Variants in EPN2 observed in about 807,000 individuals in gnomAD.
The protein encoded by EPN2 is epsin 2, also known as epsin-2.
Under a neutral mutation model 61.7 loss-of-function variants are expected in EPN2, and 34 were observed. The observed-to-expected ratio is 0.55, with a 90% CI of 0.42 to 0.73. EPN2 has a LOEUF of 0.73. Ranked by LOEUF, EPN2 falls within the 30% of genes least tolerant of loss-of-function variation. EPN2 has a pLI of 0.00. For synonymous variants in EPN2, 349 were observed against 353.6 expected (o/e 0.99, Z 0.15); for missense variants, 714 against 839.2 (o/e 0.85, Z 1.84).
chr17:19,334,273 AC>A lies in EPN2; in HGVS notation c.*22del. ...TCTCTAGTGCCTGGGCCTGGGACCCACCCAGAGCACCTGTGCTGGAGGATGC... is the reference window on the plus strand; with the variant it reads ...TCTCTAGTGCCTGGGCCTGGGACCCACCAGAGCACCTGTGCTGGAGGATGC... On this transcript the variant is annotated 3_prime_UTR_variant, in exon 11 of 11. Transcript: ENST00000314728. This position sits in a 1 kb window ranked among gnomAD's most constrained non-coding sequence, Gnocchi z 4.9. The A allele has an allele frequency of 2.1e-6, 3 of 1,421,816 alleles. No individual in the cohort carries two copies. The highest frequency in any genetic ancestry group is 2.8e-6 in the Non-Finnish European group (3 of 1,079,828). The allele number at this position is 1,421,816 out of a possible 1,614,324, so 88.1% of individuals were successfully genotyped here.
At chr17:19,307,706 T>A (rs1905918489) in intron 4 of EPN2, among the ~76,000 whole-genome samples, 1 of 152,198 alleles carries the variant, frequency 6.6e-6, no homozygotes, top group South Asian at 2.1e-4. Context: ...GACAGGGTGA[T>A]GCCTCTGCTT....
chr17:19,291,142 AG>A (rs2045460374), intron 4 of EPN2, among the ~76,000 whole-genome samples: 1 of 152,212 alleles, frequency 6.6e-6, no homozygotes, highest in Non-Finnish European at 1.5e-5. Flanking sequence ...AGGAAAACAG[AG>A]GTGAGAAAGA....
intron 1 of EPN2, among the ~76,000 whole-genome samples, chr17:19,261,455 A>G (rs1414840512): frequency 2.0e-5 from 3 of 151,964 alleles, no homozygotes; most frequent in African/African-American, 4.8e-5. Flanking sequence ...GGTGTTTTTT[A>G]TATTTTTGGA....
intron 4 of EPN2, among the ~76,000 whole-genome samples, chr17:19,305,055 C>T (rs1268583420): frequency 6.6e-6 from 1 of 152,116 alleles, no homozygotes; most frequent in Non-Finnish European, 1.5e-5. Context: ...CTGCCCACTG[C>T]ACAGAGCCAT....
intron 1 of EPN2, among the ~76,000 whole-genome samples, chr17:19,242,164 C>T (rs1307654773): frequency 3.4e-5 from 5 of 148,198 alleles, no homozygotes; most frequent in Admixed American, 3.4e-4. Flanking sequence ...AGGCCAGCCA[C>T]GGTGGCTCAT....
At chr17:19,299,325 C>T (rs1189732883) in intron 4 of EPN2, among the ~76,000 whole-genome samples, 1 of 152,150 alleles carries the variant, frequency 6.6e-6, no homozygotes, top group African/African-American at 2.4e-5. Flanking sequence ...TTGAAGTGCC[C>T]GCTCACCTCA....
chr17:19,323,637 G>A (rs1264930252), intron 7 of EPN2, among the ~76,000 whole-genome samples: 2 of 152,232 alleles, frequency 1.3e-5, no homozygotes, highest in African/African-American at 4.8e-5. Flanking sequence ...ATGTCTGAGT[G>A]GCATAGAGTC....
chr17:19,252,546 A>G (rs888694018), intron 1 of EPN2, among the ~76,000 whole-genome samples: 1 of 152,214 alleles, frequency 6.6e-6, no homozygotes, highest in Non-Finnish European at 1.5e-5. Flanking sequence ...AAATGCTTCA[A>G]TACATATCTC....
chr17:19,286,905 T>TA (rs1304466891), intron 4 of EPN2, among the ~76,000 whole-genome samples: 1 of 152,178 alleles, frequency 6.6e-6, no homozygotes, highest in East Asian at 1.9e-4. Context: ...GCATTGGAGT[T>TA]ACATGCCCAT....
At chr17:19,272,965 C>T (rs1268275409) in intron 1 of EPN2, among the ~76,000 whole-genome samples, 1 of 152,226 alleles carries the variant, frequency 6.6e-6, no homozygotes, top group Non-Finnish European at 1.5e-5. Flanking sequence ...ATTCTACACC[C>T]ACAGGCTGCT....
At chr17:19,320,496 G>C (rs1906590780) in intron 7 of EPN2, among the ~76,000 whole-genome samples, 1 of 152,192 alleles carries the variant, frequency 6.6e-6, no homozygotes, top group African/African-American at 2.4e-5. Flanking sequence ...CCAGAGCTCA[G>C]TGTTTCTTAT....
chr17:19,322,055 C>T (rs750848449), intron 7 of EPN2, among the ~76,000 whole-genome samples: 10 of 152,138 alleles, frequency 6.6e-5, no homozygotes, highest in Non-Finnish European at 1.3e-4. Flanking sequence ...TTCCCCATGT[C>T]GAGCAGAGGT....
intron 1 of EPN2, among the ~76,000 whole-genome samples, chr17:19,238,809 C>T (rs1597961899): frequency 6.6e-6 from 1 of 152,280 alleles, no homozygotes; most frequent in Middle Eastern, 3.4e-3. Context: ...TTCCTTTTCA[C>T]CTCCAGAAAA....
At position 19,300,427 on chromosome 17, in the gene EPN2, C is replaced by CTTATCTTT. The variant is rs1555601261; in HGVS notation, c.767-9456_767-9455insATCTTTTT. ...TACATAAAAACAATAAACTGTAAAT[C>CTTATCTTT]TTTTTTTTTTTTTTTTTTTGGAGAC... On this transcript the variant is annotated intron_variant, in intron 4 of 10. Coordinates refer to ENST00000314728, the MANE Select transcript of EPN2 (RefSeq NM_014964.5). Among the ~76,000 whole-genome samples, 5 of 108,932 alleles carry CTTATCTTT rather than the reference C, an allele frequency of 4.6e-5. No homozygotes were observed. In the East Asian group the frequency reaches 1.2e-3, roughly 27 times the overall value. The allele number at this position is 108,932 out of a possible 152,430, so 71.5% of individuals were successfully genotyped here.
intron 7 of EPN2, among the ~76,000 whole-genome samples, chr17:19,314,693 G>A (rs910198808): frequency 5.3e-5 from 8 of 152,208 alleles, no homozygotes; most frequent in Non-Finnish European, 1.0e-4. Flanking sequence ...AAAAGCCCCA[G>A]GCAAAATTGC....
chr17:19,322,659 G>A (rs1906692520), intron 7 of EPN2, among the ~76,000 whole-genome samples: 2 of 151,364 alleles, frequency 1.3e-5, no homozygotes, highest in South Asian at 4.2e-4. Context: ...AGGATCCCTT[G>A]AGCCTAGGAG....
intron 4 of EPN2, among the ~76,000 whole-genome samples, chr17:19,295,091 C>T (rs934988083): frequency 3.3e-5 from 5 of 152,108 alleles, no homozygotes; most frequent in Non-Finnish European, 5.9e-5. Flanking sequence ...GTCTTTTTCA[C>T]TACCTGAAAT....
intron 1 of EPN2, among the ~76,000 whole-genome samples, chr17:19,247,633 C>T (rs990711622): frequency 2.0e-5 from 3 of 152,202 alleles, no homozygotes; most frequent in Non-Finnish European, 4.4e-5. Flanking sequence ...GAGCAGTGAG[C>T]TCCCAGGTGG....
intron 4 of EPN2, chr17:19,297,269 TCTGGAGAGGAA>T (rs948623436): frequency 1.3e-5 from 2 of 152,198 alleles, no homozygotes; most frequent in African/African-American, 4.8e-5. Flanking sequence ...AGGTTCTTAA[TCTGGAGAGGAA>T]CTGAAGGCCA....
Sources: gnomAD v4.1 joint callset for allele counts (sites outside exome capture counted in the v4.1 genomes callset) on GRCh38, gnomAD v4.1.1 for gene constraint, Gnocchi (gnomAD v3.1) non-coding constraint, MANE v1.5 for transcripts, NCBI Gene and HGNC (gene_info 2026-07-23, HGNC 2026-07-21) for gene names.